Variants in DOCK9 observed in about 807,000 individuals in gnomAD.
DOCK9 encodes the protein dedicator of cytokinesis 9, also known as dedicator of cytokinesis protein 9.
Under a neutral mutation model 263.3 loss-of-function variants are expected in DOCK9, and 89 were observed. That is an observed-to-expected ratio of 0.34 (90% CI 0.28 to 0.40). The LOEUF is 0.40. Ranked by LOEUF, DOCK9 falls within the 10% of genes least tolerant of loss-of-function variation. The pLI, the probability that DOCK9 is intolerant of heterozygous loss-of-function variation, is 1.00. For missense variants in DOCK9, 2,140 were observed against 2,603.4 expected (o/e 0.82, Z 3.87); for synonymous variants, 976 against 973.1 (o/e 1.00, Z -0.06).
chr13:98,855,759 T>C (rs1431614471), intron 34 of DOCK9, 139 bp downstream of exon 34: 3 of 921,824 alleles, frequency 3.3e-6, no homozygotes, highest in African/African-American at 1.7e-5. Context: ...AAAGCTCTCA[T>C]CACCTACTCC....
intron 1 of DOCK9, among the ~76,000 whole-genome samples, chr13:99,036,701 A>C (rs1202063485): frequency 6.6e-6 from 1 of 152,084 alleles, no homozygotes; most frequent in Non-Finnish European, 1.5e-5. Context: ...CACCATGCCC[A>C]GCTAATTTTT....
intron 1 of DOCK9, among the ~76,000 whole-genome samples, chr13:99,043,857 C>A (rs1028352289): frequency 6.6e-6 from 1 of 152,124 alleles, no homozygotes; most frequent in Non-Finnish European, 1.5e-5. Context: ...CCGCCCACTG[C>A]CCTACATATG....
chr13:98,901,630 A>G (rs1247575600), intron 13 of DOCK9, 148 bp downstream of exon 13: 4 of 929,826 alleles, frequency 4.3e-6, no homozygotes, highest in Non-Finnish European at 6.1e-6. Context: ...CAAGACATAA[A>G]GTTCAGAGTA....
chr13:98,925,094 G>A (rs561059058), intron 4 of DOCK9, among the ~76,000 whole-genome samples: 8 of 152,140 alleles, frequency 5.3e-5, no homozygotes, highest in Non-Finnish European at 1.2e-4. Context: ...AACTTGGGAG[G>A]TGGAGGTTGC....
At chr13:98,849,860 G>T (rs1280525635) in intron 36 of DOCK9, among the ~76,000 whole-genome samples, 187 bp downstream of exon 36, 1 of 152,124 alleles carries the variant, frequency 6.6e-6, no homozygotes, top group Non-Finnish European at 1.5e-5. Flanking sequence ...CTTTAAGGGT[G>T]ACCACTGATC....
At chr13:98,985,819 G>A (rs1662297186) in intron 1 of DOCK9, among the ~76,000 whole-genome samples, 1 of 152,168 alleles carries the variant, frequency 6.6e-6, no homozygotes, top group East Asian at 1.9e-4. Flanking sequence ...AGGAGGGCAG[G>A]GGGCTATCCC....
At chr13:98,805,377 T>C (rs1335372399) in intron 48 of DOCK9, among the ~76,000 whole-genome samples, 168 bp from the exon 49 acceptor site, 2 of 152,218 alleles carry the variant, frequency 1.3e-5, no homozygotes, top group Non-Finnish European at 2.9e-5. Context: ...CAGTTTGCTA[T>C]ATTTGTTTCA....
In DOCK9 at chr13:98,880,414, C is replaced by G. The variant is rs539340228; in HGVS notation, c.2871+133G>C. The G allele has an allele frequency of 1.0e-5, 12 of 1,160,386 alleles. No individual in the cohort carries two copies. The African/African-American group carries it at 1.7e-4, about 16-fold the overall frequency. 71.9% of individuals were successfully genotyped at this position (1,160,386 alleles called of 1,614,324 possible). A position where few individuals can be genotyped will look rare whatever the true frequency, so the allele number is the denominator to read the frequency against. Reference sequence around the variant, plus strand: ...AAGACACAATTAGAAAAGTTGGTATCAGAGAACACTACCCCTTTTTAGGGA... The same window carrying G: ...AAGACACAATTAGAAAAGTTGGTATGAGAGAACACTACCCCTTTTTAGGGA... On this transcript the variant is annotated intron_variant, in intron 26 of 52. Transcript: ENST00000682017.
At chr13:98,992,310 C>T (rs1400675700) in intron 1 of DOCK9, among the ~76,000 whole-genome samples, 1 of 152,134 alleles carries the variant, frequency 6.6e-6, no homozygotes, top group African/African-American at 2.4e-5. Context: ...TTCTGACCCT[C>T]TCAGAAGACC....
rs10683281 is a variant in DOCK9 at position 98,817,451 on chromosome 13, C to CTTTTTTTTTTTTTT, written c.5130+6933_5130+6946dup. ...TGTGAGAACAGACTAATACACCCAG[C>CTTTTTTTTTTTTTT]TTTTTTTTTTTTTTTTTTTTTGGTA... is the stretch of plus-strand genomic sequence containing the variant. On this transcript the variant is annotated intron_variant, in intron 45 of 52. Coordinates refer to ENST00000682017, the MANE Select transcript of DOCK9 (RefSeq NM_001366683.2). 3.4e-4 allele frequency among the ~76,000 whole-genome samples: 33 copies of CTTTTTTTTTTTTTT among 97,610 alleles called. 3 individuals are homozygous for CTTTTTTTTTTTTTT. Among genetic ancestry groups the CTTTTTTTTTTTTTT allele is most frequent in the Middle Eastern group, 7.9e-3 (1 of 126 alleles). The allele number at this position is 97,610 out of a possible 152,430, so 64.0% of individuals were successfully genotyped here.
intron 23 of DOCK9, 101 bp from the exon 24 acceptor site, chr13:98,882,108 A>C: frequency 1.0e-6 from 1 of 959,404 alleles, no homozygotes; most frequent in Non-Finnish European, 1.6e-6. Flanking sequence ...ACTCCCTCTA[A>C]AACAAAGGGA....
intron 1 of DOCK9, among the ~76,000 whole-genome samples, chr13:98,994,855 T>C (rs942678824): frequency 5.9e-5 from 9 of 152,188 alleles, no homozygotes; most frequent in Non-Finnish European, 1.2e-4. Flanking sequence ...ATTCTTTGTG[T>C]CAAATATATA....
intron 9 of DOCK9, among the ~76,000 whole-genome samples, chr13:98,908,635 A>G (rs985774132): frequency 2.6e-5 from 4 of 152,210 alleles, no homozygotes; most frequent in Admixed American, 2.0e-4. Flanking sequence ...AATAATGTAT[A>G]TATCATGAAC....
intron 4 of DOCK9, among the ~76,000 whole-genome samples, chr13:98,923,766 G>T (rs1182541479): frequency 6.6e-6 from 1 of 152,208 alleles, no homozygotes; most frequent in African/African-American, 2.4e-5. Context: ...ACAAAAACAA[G>T]ACACCAATAC....
intron 1 of DOCK9, among the ~76,000 whole-genome samples, chr13:99,043,322 C>T (rs950000757): frequency 6.6e-6 from 1 of 152,174 alleles, no homozygotes; most frequent in African/African-American, 2.4e-5. Context: ...TCCAGCTGGC[C>T]CTGAAGACAG....
intron 27 of DOCK9, among the ~76,000 whole-genome samples, chr13:98,869,676 C>T (rs1438095612): frequency 1.3e-5 from 2 of 152,236 alleles, no homozygotes; most frequent in African/African-American, 2.4e-5. Flanking sequence ...CCTTGTCTTC[C>T]TCCTTTTAGT....
chr13:99,076,448 T>C (rs557112554), intron 1 of DOCK9, among the ~76,000 whole-genome samples: 1 of 152,304 alleles, frequency 6.6e-6, no homozygotes, highest in South Asian at 2.1e-4. Flanking sequence ...TATGCAAAGA[T>C]CCCCATACGG....
At chr13:98,797,633 A>T in intron 50 of DOCK9, 144 bp from the exon 51 acceptor site, 1 of 670,834 alleles carries the variant, frequency 1.5e-6, no homozygotes, top group Non-Finnish European at 2.5e-6. Flanking sequence ...GCCCAAAAAG[A>T]AACCACAAAG....
At chr13:99,048,987 G>T (rs753782878) in intron 1 of DOCK9, among the ~76,000 whole-genome samples, 1 of 152,168 alleles carries the variant, frequency 6.6e-6, no homozygotes, top group Admixed American at 6.5e-5. Context: ...TGTGGAGTTC[G>T]TGTTTAATTT....
Sources: gnomAD v4.1 joint callset for allele counts (sites outside exome capture counted in the v4.1 genomes callset) on GRCh38, gnomAD v4.1.1 for gene constraint, MANE v1.5 for transcripts, NCBI Gene and HGNC (gene_info 2026-07-23, HGNC 2026-07-21) for gene names.